Variants in GLUD1 observed in about 807,000 individuals in gnomAD.
The protein encoded by GLUD1 is glutamate dehydrogenase 1.
In GLUD1, 22 loss-of-function variants were observed where a neutral mutation model predicts 56.0. The observed-to-expected ratio is 0.39, with a 90% CI of 0.28 to 0.56. The LOEUF is 0.56. GLUD1 is among the 20% of genes least tolerant of loss of function. GLUD1 has a pLI of 0.58. For missense variants in GLUD1, 451 were observed against 732.0 expected (o/e 0.62, Z 4.43); for synonymous variants, 223 against 269.9 (o/e 0.83, Z 1.70).
intron 10 of GLUD1, among the ~76,000 whole-genome samples, chr10:87,058,373 C>T (rs1264977527): frequency 6.6e-6 from 1 of 152,134 alleles, no homozygotes; most frequent in East Asian, 1.9e-4. Context: ...ACACTTCACC[C>T]AGATTCTCAC....
At chr10:87,052,101 G>A (rs1942538030) in intron 12 of GLUD1, among the ~76,000 whole-genome samples, 2 of 152,222 alleles carry the variant, frequency 1.3e-5, no homozygotes, top group Admixed American at 6.5e-5. Flanking sequence ...TGTAATCCCA[G>A]CACTTTGGGA....
At chr10:87,073,170 T>C (rs1233512826) in intron 4 of GLUD1, among the ~76,000 whole-genome samples, 1 of 152,226 alleles carries the variant, frequency 6.6e-6, no homozygotes, top group African/African-American at 2.4e-5. Flanking sequence ...CTTCTTGAGA[T>C]GTGGTCTCGT....
intron 1 of GLUD1, among the ~76,000 whole-genome samples, chr10:87,079,189 T>C (rs1477443588): frequency 6.8e-6 from 1 of 148,010 alleles, no homozygotes. Context: ...ATAAAAAATT[T>C]AAAAAGAATT....
At chr10:87,078,658 G>GACAT (rs1471331154) in intron 1 of GLUD1, among the ~76,000 whole-genome samples, 1 of 152,034 alleles carries the variant, frequency 6.6e-6, no homozygotes, top group East Asian at 1.9e-4. Flanking sequence ...AAAAATATTT[G>GACAT]ACATACATGT....
chr10:87,069,805 A>G (rs553290855), intron 4 of GLUD1, among the ~76,000 whole-genome samples: 1 of 152,244 alleles, frequency 6.6e-6, no homozygotes, highest in African/African-American at 2.4e-5. Flanking sequence ...CTGTAACTCT[A>G]TGTCTTAGCA....
At chr10:87,088,675 ATT>A (rs1398090848) in intron 1 of GLUD1, among the ~76,000 whole-genome samples, 2 of 152,212 alleles carry the variant, frequency 1.3e-5, no homozygotes, top group East Asian at 3.8e-4. Flanking sequence ...TGAAATTTTC[ATT>A]TGTCATCTTT....
chr10:87,085,070 CGTG>C (rs1841349188), intron 1 of GLUD1, among the ~76,000 whole-genome samples: 1 of 152,118 alleles, frequency 6.6e-6, no homozygotes, highest in Non-Finnish European at 1.5e-5. Context: ...TTAGGCTGGG[CGTG>C]GTGGCTCACG....
chr10:87,065,272 C>CA (rs59540767), intron 5 of GLUD1, among the ~76,000 whole-genome samples: 1,669 of 60,774 alleles, frequency 0.027, 86 homozygotes, highest in African/African-American at 0.037. Flanking sequence ...GACTCCGTCT[C>CA]AAAAAAAAAA....
intron 9 of GLUD1, 89 bp from the exon 10 acceptor site, chr10:87,059,362 G>A (rs1412592722): frequency 1.6e-5 from 20 of 1,261,870 alleles, no homozygotes; most frequent in Non-Finnish European, 5.8e-6. Context: ...TCAATACCAA[G>A]GTAGACTGGA....
At chr10:87,066,904 A>C (rs1846091601) in intron 5 of GLUD1, among the ~76,000 whole-genome samples, 1 of 152,046 alleles carries the variant, frequency 6.6e-6, no homozygotes, top group Non-Finnish European at 1.5e-5. Context: ...CTGTGGTACT[A>C]CCTCTGCTCA....
At chr10:87,067,636 C>T in intron 5 of GLUD1, 2 of 191,474 alleles carry the variant, frequency 1.0e-5, no homozygotes, top group Non-Finnish European at 2.2e-5. Flanking sequence ...CATATTCTAC[C>T]CATTTTCAAG....
chr10:87,057,175 G>C (rs1845801659), intron 11 of GLUD1, among the ~76,000 whole-genome samples: 1 of 152,160 alleles, frequency 6.6e-6, no homozygotes, highest in Admixed American at 6.5e-5. Flanking sequence ...ATTTTTAGTA[G>C]AGACGGGGTC....
intron 1 of GLUD1, among the ~76,000 whole-genome samples, chr10:87,077,932 T>C (rs573862824): frequency 1.3e-5 from 2 of 152,234 alleles, no homozygotes; most frequent in South Asian, 2.1e-4. Context: ...TTTTAAAGAA[T>C]TCTGAGATTA....
At chr10:87,074,642 G>GA (rs774657196) in intron 3 of GLUD1, 28 bp from the exon 4 acceptor site, 5 of 1,279,730 alleles carry the variant, frequency 3.9e-6, no homozygotes, top group Non-Finnish European at 5.7e-6. Flanking sequence ...AAAAACAAAA[G>GA]AAAAAATTGA....
chr10:87,082,847 A>G (rs548538834), intron 1 of GLUD1, among the ~76,000 whole-genome samples: 42 of 152,374 alleles, frequency 2.8e-4, no homozygotes, highest in African/African-American at 9.4e-4. Flanking sequence ...AGAAGAAGCC[A>G]GTTACTCTTC....
At chr10:87,092,061 C>T (rs1485744703) in intron 1 of GLUD1, among the ~76,000 whole-genome samples, 1 of 152,000 alleles carries the variant, frequency 6.6e-6, no homozygotes, top group East Asian at 1.9e-4. Context: ...ATTTCTTAGA[C>T]GTTAAAAAAG....
At chr10:87,082,678 C>T (rs1394079304) in intron 1 of GLUD1, among the ~76,000 whole-genome samples, 2 of 152,202 alleles carry the variant, frequency 1.3e-5, no homozygotes, top group Non-Finnish European at 2.9e-5. Flanking sequence ...GTGATTCATA[C>T]ATGTTTTTAA....
chr10:87,067,251 TG>T (rs1454180722), intron 5 of GLUD1, among the ~76,000 whole-genome samples: 1 of 152,242 alleles, frequency 6.6e-6, no homozygotes, highest in Admixed American at 6.5e-5. Flanking sequence ...ACTTTTTTTT[TG>T]TTTTGAGACA....
chr10:87,064,368 C>G (rs568356528), intron 5 of GLUD1, among the ~76,000 whole-genome samples: 5 of 152,032 alleles, frequency 3.3e-5, no homozygotes, highest in Non-Finnish European at 1.5e-5. Context: ...GTAAACTCAT[C>G]GGTGGAGCAG....
Sources: allele counts gnomAD v4.1 joint callset (sites outside exome capture counted in the v4.1 genomes callset), GRCh38; gene constraint gnomAD v4.1.1; transcripts MANE v1.5; gene names NCBI Gene and HGNC (gene_info 2026-07-23, HGNC 2026-07-21).